RNF212: variants seen among roughly 807,000 people sequenced by gnomAD.
RNF212 encodes the protein probable E3 SUMO-protein ligase RNF212.
RNF212 carries 33 observed loss-of-function variants against 34.7 expected under a neutral mutation model. That is an observed-to-expected ratio of 0.95 (90% confidence interval 0.72 to 1.27). RNF212 has a LOEUF of 1.27. Ranked by LOEUF, RNF212 falls within the 50% of genes most tolerant of loss-of-function variation. The probability of loss-of-function intolerance (pLI) is 0.00; values close to 1 mark genes in which losing one functional copy is unlikely to be tolerated. For missense variants in RNF212, 377 were observed against 362.2 expected, an observed-to-expected ratio of 1.04 and a Z score of -0.33; for synonymous variants, 140 against 136.1, an observed-to-expected ratio of 1.03 and a Z score of -0.20.
intron 2 of RNF212, chr4:1,099,761 G>A (rs1485121276): frequency 4.4e-6 from 2 of 456,308 alleles, no homozygotes; most frequent in South Asian, 1.5e-5. Flanking sequence ...TCATGGCAGA[G>A]GGCGTAAGGA....
chr4:1,108,365 C>T lies in RNF212; in HGVS notation c.149G>A (p.Arg50His), dbSNP rs370043717. ...NECLICKAPC[R>H]TVLLSKHTDA... ...TACATGCTTTGAAAGCAAAACTGTA[C>T]GACAAGGAGCTTTACAAATCAAGCA... The change falls in exon 2 of 10, where the codon CGT becomes CAT. Residue 50 changes from arginine to histidine, a missense_variant. Coordinates refer to ENST00000433731, the MANE Select transcript of RNF212 (RefSeq NM_001131034.4). The T allele has an allele frequency of 5.2e-5, 79 of 1,506,422 alleles. No homozygotes were observed. The highest frequency in any genetic ancestry group is 8.2e-5 in the Admixed American group (3 of 36,746). The allele number at this position is 1,506,422 out of a possible 1,614,324, so 93.3% of individuals were successfully genotyped here. A position where few individuals can be genotyped will look rare whatever the true frequency, so the allele number is the denominator to read the frequency against.
intron 8 of RNF212, among the ~76,000 whole-genome samples, chr4:1,075,937 C>T (rs1719223885): frequency 1.3e-5 from 2 of 152,108 alleles, no homozygotes; most frequent in African/African-American, 4.8e-5. Flanking sequence ...GTTAGGATTA[C>T]AGGCGTGAGG....
chr4:1,061,949 G>A (rs904463066), intron 3 of RNF212, among the ~76,000 whole-genome samples: 5 of 152,352 alleles, frequency 3.3e-5, no homozygotes, highest in African/African-American at 1.2e-4. Flanking sequence ...GCAGATGGCA[G>A]AGGCCCACGC....
intron 2 of RNF212, chr4:1,099,800 A>G: frequency 2.2e-6 from 1 of 456,280 alleles, no homozygotes; most frequent in South Asian, 1.5e-5. Flanking sequence ...GGTGCAGAGC[A>G]ATCGAGTCCA....
intron 3 of RNF212, among the ~76,000 whole-genome samples, chr4:1,058,650 C>T (rs1717524783): frequency 2.0e-5 from 3 of 152,202 alleles, no homozygotes; most frequent in South Asian, 4.1e-4. Flanking sequence ...AATCTTTCTA[C>T]CTTTATGCAC....
At chr4:1,093,845 C>T in intron 3 of RNF212, 1 of 1,536,166 alleles carries the variant, frequency 6.5e-7, no homozygotes, top group Non-Finnish European at 8.7e-7. Context: ...CTCTGGCTGG[C>T]TCTGGGACCG....
At position 1,093,051 on chromosome 4, in the gene RNF212, C is replaced by T. The variant is rs572765786; in HGVS notation, c.247-2213G>A. 1.3e-4 allele frequency among the ~76,000 whole-genome samples: 14 copies of T among 107,388 alleles called. No individual in the cohort carries two copies. The South Asian group carries it at 1.4e-3, about 11-fold the overall frequency. 70.5% of individuals were successfully genotyped at this position (107,388 alleles called of 152,430 possible). A position where few individuals can be genotyped will look rare whatever the true frequency, so the allele number is the denominator to read the frequency against. ...TAGGGCAGAGGCTGGGTGGATGGAACGGATCTTAGAGGATTACTGGGAAGA... is the reference window on the plus strand; with the variant it reads ...TAGGGCAGAGGCTGGGTGGATGGAATGGATCTTAGAGGATTACTGGGAAGA... On this transcript the variant is annotated intron_variant, in intron 3 of 9. Coordinates refer to ENST00000433731, the MANE Select transcript of RNF212 (RefSeq NM_001131034.4).
rs938468059 is a variant in RNF212 at position 1,073,543 on chromosome 4, G to A, written c.574+56C>T. ...CTTTGATTAAACATGACCTTTCAGG[G>A]AATGCATTTTAATCGATGCATGTAT... On this transcript the variant is annotated intron_variant, in intron 9 of 9. Coordinates refer to ENST00000433731, the MANE Select transcript of RNF212 (RefSeq NM_001131034.4). The A allele has an allele frequency of 4.8e-6, 6 of 1,241,386 alleles. 1 individual carries two copies. Among genetic ancestry groups the A allele is most frequent in the Non-Finnish European group, 7.1e-6 (6 of 840,858 alleles). The allele number at this position is 1,241,386 out of a possible 1,614,324, so 76.9% of individuals were successfully genotyped here.
intron 3 of RNF212, among the ~76,000 whole-genome samples, chr4:1,095,935 C>T (rs1442554749): frequency 1.3e-5 from 1 of 79,638 alleles, no homozygotes; most frequent in Admixed American, 1.1e-4. Flanking sequence ...TCCCACAGCT[C>T]CATGGTCTCG....
chr4:1,108,290 T>C (rs1253786152), intron 2 of RNF212, 53 bp downstream of exon 2: 2 of 1,212,102 alleles, frequency 1.7e-6, no homozygotes, highest in Non-Finnish European at 2.3e-6. Flanking sequence ...ATATCAAATT[T>C]AAAAGGAAAT....
intron 1 of RNF212, 40 bp from the exon 2 acceptor site, chr4:1,108,444 A>G: frequency 9.3e-7 from 1 of 1,074,204 alleles, no homozygotes; most frequent in South Asian, 1.8e-5. Context: ...TAGACTGACT[A>G]CTACTTTTAA....
intron 2 of RNF212, chr4:1,099,727 A>G (rs1188872043): frequency 4.4e-6 from 2 of 456,294 alleles, no homozygotes; most frequent in Admixed American, 2.3e-5. Flanking sequence ...GCGTGACTGA[A>G]GGCCTTTGCT....
intron 8 of RNF212, 89 bp from the exon 9 acceptor site, chr4:1,073,751 C>T: frequency 1.2e-6 from 1 of 839,754 alleles, no homozygotes; most frequent in Non-Finnish European, 2.0e-6. Flanking sequence ...GAACACATTT[C>T]CCAGAACCCC....
intron 2 of RNF212, among the ~76,000 whole-genome samples, chr4:1,098,553 G>A (rs1324407479): frequency 6.6e-6 from 1 of 152,142 alleles, no homozygotes; most frequent in East Asian, 1.9e-4. Flanking sequence ...GGATGGGGTA[G>A]GAGCTCCCGT....
chr4:1,064,583 CTT>C (rs36064454), intron 3 of RNF212, among the ~76,000 whole-genome samples: 122,621 of 151,960 alleles, frequency 0.81, 50,102 homozygotes, highest in African/African-American at 0.93. Context: ...CATACGGCCT[CTT>C]TTGTGTGTGT....
chr4:1,103,881 C>T (rs571835933), intron 2 of RNF212, among the ~76,000 whole-genome samples: 62 of 152,118 alleles, frequency 4.1e-4, no homozygotes, highest in African/African-American at 1.4e-3. Context: ...AGGTCCCAGC[C>T]AATGCTGTAA....
chr4:1,090,553 C>T (rs990069438), intron 4 of RNF212, among the ~76,000 whole-genome samples: 5 of 152,148 alleles, frequency 3.3e-5, no homozygotes, highest in African/African-American at 1.2e-4. Flanking sequence ...GCAGGGAGGC[C>T]CATGCGGTGC....
chr4:1,064,073 A>G (rs982446974), intron 3 of RNF212, among the ~76,000 whole-genome samples: 2 of 152,206 alleles, frequency 1.3e-5, no homozygotes, highest in African/African-American at 4.8e-5. Flanking sequence ...CTGCAAGAAA[A>G]AACTGGAAAT....
intron 3 of RNF212, among the ~76,000 whole-genome samples, chr4:1,060,102 AAAAAAAAAAAAG>A (rs1392195406): frequency 9.1e-6 from 1 of 110,072 alleles, no homozygotes; most frequent in Non-Finnish European, 1.8e-5. Flanking sequence ...TCCATCAAAA[AAAAAAAAAAAAG>A]AAAAAAGAAA....
Sources: gnomAD v4.1 joint callset for allele counts (sites outside exome capture counted in the v4.1 genomes callset) on GRCh38, gnomAD v4.1.1 for gene constraint, MANE v1.5 for transcripts, NCBI Gene and HGNC (gene_info 2026-07-23, HGNC 2026-07-21) for gene names.